The following CAD variants were observed in gnomAD, a reference collection of about 807,000 sequenced individuals.
CAD encodes the protein carbamoyl-phosphate synthetase 2, aspartate transcarbamylase, and dihydroorotase.
CAD carries 81 observed loss-of-function variants against 237.2 expected under a neutral mutation model. The observed-to-expected ratio is 0.34, with a 90% confidence interval of 0.29 to 0.41. The LOEUF (loss-of-function observed/expected upper bound fraction) is 0.41. Among genes scored for constraint, CAD ranks in the 10% least tolerant of loss-of-function variants. The pLI, the probability that CAD is intolerant of heterozygous loss-of-function variation, is 1.00. For synonymous variants in CAD, 1,196 were observed against 1,162.8 expected (o/e 1.03, Z -0.58); for missense variants, 2,181 against 2,951.7 (o/e 0.74, Z 6.05).
rs1168889417 is a variant in CAD at position 27,226,888 on chromosome 2, T to C, written c.2213T>C (p.Val738Ala). ...AFEPSVDYCV[V>A]KIPRWDLSKF... ...GAACCCAGCGTGGATTATTGTGTGG[T>C]GAAGATTCCTCGATGGGACCTTAGC... The change falls in exon 15 of 44, where the codon GTG (valine) becomes GCG (alanine). Residue 738 changes from valine to alanine, a missense_variant. By Grantham distance (64) the Val-to-Ala change is moderately conservative. This residue lies in a region of CAD where 385 missense variants were observed against 535.1 expected (regional missense o/e 0.72). Coordinates refer to ENST00000264705, the MANE Select transcript of CAD (RefSeq NM_004341.5). The C allele has an allele frequency of 1.9e-6, 3 of 1,613,950 alleles. No individual in the cohort carries two copies. In the East Asian group the frequency reaches 6.7e-5, roughly 36 times the overall value.
At position 27,241,477 on chromosome 2, in the gene CAD, A is replaced by C. The variant is rs1572453668; in HGVS notation, c.5883+81A>C. 4.1e-5 allele frequency: 56 copies of C among 1,349,416 alleles called. No homozygotes were observed. In the East Asian group the frequency reaches 1.3e-3, roughly 30 times the overall value. 83.6% of individuals were successfully genotyped at this position (1,349,416 alleles called of 1,614,324 possible). ...CAGCGCAGGGCCGCGCAGTGGTCAG[A>C]GTGGGTCTTCCTCCCCCTGCCATCC... On this transcript the variant is annotated intron_variant, in intron 38 of 43. Transcript: ENST00000264705. This position sits in a 1 kb window ranked among gnomAD's most constrained non-coding sequence, Gnocchi z 4.6.
rs375920153 is a variant in CAD at position 27,233,274 on chromosome 2, T to C, written c.2992-38T>C. 40 of 1,587,348 alleles carry C rather than the reference T, an allele frequency of 2.5e-5. No individual in the cohort carries two copies. The East Asian group carries it at 2.9e-4, about 12-fold the overall frequency. On this transcript the variant is annotated intron_variant, in intron 19 of 43. Coordinates refer to ENST00000264705, the MANE Select transcript of CAD (RefSeq NM_004341.5). This position sits in a 1 kb window ranked among gnomAD's most constrained non-coding sequence, Gnocchi z 6.3. ...CAGGAAGGCTCAGATTCCTGCCCTC[T>C]TTTGCTGCCACCACTTGTTTCTCCC...
Position 27,232,324 on chromosome 2 carries a change from C to T in CAD, c.2645+100C>T, listed in dbSNP as rs1224755579. On this transcript the variant is annotated intron_variant, in intron 17 of 43. Transcript: ENST00000264705. The surrounding 1 kb of genome is among the most constrained non-coding windows in gnomAD (Gnocchi z 4.1). ...AGGGAGGAAGGAGAGTGTGGGAGAG[C>T]TTTAGAGGCTTCTGACCTTGGTTCC... 2 of 1,575,412 alleles carry T rather than the reference C, an allele frequency of 1.3e-6. No individual in the cohort carries two copies. Among genetic ancestry groups the T allele is most frequent in the South Asian group, 2.4e-5 (2 of 84,650 alleles).
chr2:27,238,769 G>A (rs894608362), intron 31 of CAD, 137 bp downstream of exon 31: 4 of 800,876 alleles, frequency 5.0e-6, no homozygotes, highest in Non-Finnish European at 5.8e-6. Flanking sequence ...AGCCTCTAGG[G>A]TACCTGGTCT....
In CAD at chr2:27,223,972, G is replaced by T. The variant is rs371150372; in HGVS notation, c.1051G>T (p.Asp351Tyr). 2 of 1,613,928 alleles carry T rather than the reference G, an allele frequency of 1.2e-6. No homozygotes were observed. Among genetic ancestry groups the T allele is most frequent in the African/African-American group, 2.7e-5 (2 of 74,882 alleles). ...CCCTTCAGATATGGAACTGCTTTTC[G>T]ATATCTTTCTGGAAACTGTGAAAGA... is the stretch of plus-strand genomic sequence containing the variant. ...AGPSDMELLF[D>Y]IFLETVKEAT... The change falls in exon 8 of 44, where the codon GAT (aspartate) becomes TAT (tyrosine). Residue 351 changes from aspartate (D) to tyrosine (Y), a missense_variant. By Grantham distance (160) the Asp-to-Tyr change is radical (BLOSUM62 -3). Transcript: ENST00000264705.
At position 27,231,507 on chromosome 2, in the gene CAD, TC is replaced by T. The variant is rs1675755126; in HGVS notation, c.2329del (p.Gln777ArgfsTer18). On this transcript the variant is annotated frameshift_variant, in exon 16 of 44. Transcript: ENST00000264705. LOFTEE classifies it high-confidence loss of function. Reference protein sequence around the residue: ...MGIGRSFEEAFQKALRMVDEN... With the variant: ...MGIGRSFEEAXQKALRMVDEN... The stretch of plus-strand genomic sequence containing the variant: ...ATTGGGCGTTCATTTGAGGAGGCCT[TC>T]CAGAAGGCCCTGCGCATGGTGGATG... 1 of 1,613,516 alleles carries T rather than the reference TC, an allele frequency of 6.2e-7. No individual in the cohort carries two copies. The highest frequency in any genetic ancestry group is 1.7e-5 in the Admixed American group (1 of 59,990).
rs539828941 is a variant in CAD, at chr2:27,227,315, T to C, written c.2287+353T>C. 2.1e-4 allele frequency among the ~76,000 whole-genome samples: 32 copies of C among 152,346 alleles called. 1 individual carries two copies. In the South Asian group the frequency reaches 6.4e-3, roughly 31 times the overall value. On this transcript the variant is annotated intron_variant, in intron 15 of 43. Coordinates refer to ENST00000264705, the MANE Select transcript of CAD (RefSeq NM_004341.5). ...GGTAACAAGGAAATTTATTAGTGAA[T>C]GATGAATGGCCGTAACGTTACCCAG...
At position 27,236,584 on chromosome 2, in the gene CAD, G is replaced by A. The variant is rs1479973905; in HGVS notation, c.4314+61G>A. 1.3e-6 allele frequency: 2 copies of A among 1,598,028 alleles called. No individual in the cohort carries two copies. Among genetic ancestry groups the A allele is most frequent in the Admixed American group, 1.7e-5 (1 of 59,778 alleles). On this transcript the variant is annotated intron_variant, in intron 26 of 43. Transcript: ENST00000264705. The surrounding 1 kb of genome is among the most constrained non-coding windows in gnomAD (Gnocchi z 4.1). ...AGTGTTGATGGGAAGAAGAAAGAGG[G>A]AGGAGTGAGTATGGAACAGCCATGC...
At position 27,243,296 on chromosome 2, in the gene CAD, G is replaced by T; in HGVS notation, c.6575+4G>T. 1 of 1,614,068 alleles carries T rather than the reference G, an allele frequency of 6.2e-7. No individual in the cohort carries two copies. The highest frequency in any genetic ancestry group is 1.1e-5 in the South Asian group (1 of 91,070). Reference sequence around the variant, plus strand: ...TGCCCCGTGTCAACGAGATAAGGTGGTGCAGCATCAGAGTCAGAGACTGCC... The same window carrying T: ...TGCCCCGTGTCAACGAGATAAGGTGTTGCAGCATCAGAGTCAGAGACTGCC... On this transcript the variant is annotated splice_donor_region_variant and intron_variant, in intron 43 of 43. Transcript: ENST00000264705.
rs1285278958 is a variant in CAD, at chr2:27,217,394, G to C, written c.-158G>C. The C allele has an allele frequency of 1.5e-6, 1 of 660,744 alleles. No individual in the cohort carries two copies. The highest frequency in any genetic ancestry group is 3.1e-5 in the East Asian group (1 of 32,016). 40.9% of individuals were successfully genotyped at this position (660,744 alleles called of 1,614,324 possible). ...AGTCTCTGCTGCTGCCGCCAAGCGC[G>C]CCCGAGGCTCCTACGCTGCCGCGCC... On this transcript the variant is annotated 5_prime_UTR_variant, in exon 1 of 44. Transcript: ENST00000264705.
intron 1 of CAD, 118 bp from the exon 2 acceptor site, chr2:27,217,759 G>T: frequency 7.0e-7 from 1 of 1,436,194 alleles, no homozygotes; most frequent in South Asian, 1.3e-5. Context: ...CGGTGCCCAT[G>T]GGCCCCAGCG....
Position 27,237,814 on chromosome 2 carries a change from G to A in CAD, c.4660G>A (p.Gly1554Arg). The stretch of plus-strand genomic sequence containing the variant: ...GGGCACCGTGGCCGGGTCTGCAGCC[G>A]GGCTGAAGCTTTACCTCAATGAGAC... ...TLGTVAGSAA[G>R]LKLYLNETFS... The change falls in exon 29 of 44, where the codon GGG (glycine) becomes AGG (arginine). Residue 1554 changes from glycine (G) to arginine (R), a missense_variant. Gly to Arg is a moderately radical substitution (Grantham distance 125). Coordinates refer to ENST00000264705, the MANE Select transcript of CAD (RefSeq NM_004341.5). This position sits in a 1 kb window ranked among gnomAD's most constrained non-coding sequence, Gnocchi z 4.0. 1.2e-6 allele frequency: 2 copies of A among 1,614,222 alleles called. No individual in the cohort carries two copies. Among genetic ancestry groups the A allele is most frequent in the Non-Finnish European group, 1.7e-6 (2 of 1,180,048 alleles).
In CAD at chr2:27,239,483, G is replaced by A; in HGVS notation, c.5394+12G>A. 6.2e-7 allele frequency: 1 copy of A among 1,612,360 alleles called. No homozygotes were observed. Among genetic ancestry groups the A allele is most frequent in the Non-Finnish European group, 8.5e-7 (1 of 1,179,114 alleles). ...ATATCGATGGGCAGGTACGCAAGTA[G>A]CCCCTGCCTGATCTCAGTAGTGCCC... is the stretch of plus-strand genomic sequence containing the variant. On this transcript the variant is annotated intron_variant, in intron 33 of 43. Coordinates refer to ENST00000264705, the MANE Select transcript of CAD (RefSeq NM_004341.5). The surrounding 1 kb of genome is among the most constrained non-coding windows in gnomAD (Gnocchi z 4.0).
At position 27,222,980 on chromosome 2, in the gene CAD, T is replaced by A; in HGVS notation, c.752T>A (p.Ile251Asn). The A allele has an allele frequency of 1.2e-6, 2 of 1,614,164 alleles. No individual in the cohort carries two copies. The highest frequency in any genetic ancestry group is 1.7e-6 in the Non-Finnish European group (2 of 1,180,034). ...CCTAATCCCCGACCTGTCTTTGGGA[T>A]CTGCCTGGGACACCAGCTATTGGCC... Reference protein sequence around the residue: ...SEPNPRPVFGICLGHQLLALA... With the variant: ...SEPNPRPVFGNCLGHQLLALA... The change falls in exon 6 of 44, where the codon ATC (isoleucine) becomes AAC (asparagine). Residue 251 changes from isoleucine (I) to asparagine (N), a missense_variant. By Grantham distance (149) the Ile-to-Asn change is moderately radical. This residue lies in a region of CAD where 314 missense variants were observed against 339.4 expected (regional missense o/e 0.93). Coordinates refer to ENST00000264705, the MANE Select transcript of CAD (RefSeq NM_004341.5).
rs201445071 is a variant in CAD, at chr2:27,217,966, G to C, written c.172G>C (p.Gly58Arg). 1.2e-6 allele frequency: 2 copies of C among 1,612,476 alleles called. No individual in the cohort carries two copies. The highest frequency in any genetic ancestry group is 3.3e-5 in the Admixed American group (2 of 59,844). ...CTTAGTGCTCACCTATCCTCTGATC[G>C]GCAACTATGGCATCCCCCCAGATGA... Reference protein sequence around the residue: ...QILVLTYPLIGNYGIPPDEMD... With the variant: ...QILVLTYPLIRNYGIPPDEMD... The change falls in exon 2 of 44, where the codon GGC (glycine) becomes CGC (arginine). Residue 58 changes from glycine to arginine, a missense_variant. By Grantham distance (125) the Gly-to-Arg change is moderately radical. This residue lies in a region of CAD where 314 missense variants were observed against 339.4 expected (regional missense o/e 0.93). Coordinates refer to ENST00000264705, the MANE Select transcript of CAD (RefSeq NM_004341.5).
At chr2:27,226,763 A>C (rs544326296) in intron 14 of CAD, 69 bp from the exon 15 acceptor site, 1 of 1,604,594 alleles carries the variant, frequency 6.2e-7, no homozygotes, top group Non-Finnish European at 8.5e-7. Context: ...GAATGGAAAG[A>C]GCTATCCGGA....
Position 27,234,042 on chromosome 2 carries a change from T to C in CAD, c.3434T>C (p.Val1145Ala), listed in dbSNP as rs61755268. 6.2e-7 allele frequency: 1 copy of C among 1,614,118 alleles called. No individual in the cohort carries two copies. Among genetic ancestry groups the C allele is most frequent in the South Asian group, 1.1e-5 (1 of 91,072 alleles). Residue 1145 changes from valine to alanine, a missense_variant, in exon 22 of 44, where the codon GTG becomes GCG. Val to Ala is a moderately conservative substitution (Grantham distance 64). This residue lies in a region of CAD where 306 missense variants were observed against 607.9 expected (regional missense o/e 0.50). Coordinates refer to ENST00000264705, the MANE Select transcript of CAD (RefSeq NM_004341.5). The part of the protein sequence containing the change: ...IDVDAVASDG[V>A]VAAIAISEHV... ...GTGGATGCCGTGGCCTCTGATGGTG[T>C]GGTGGCAGCCATCGCCATCTCTGAG... is the stretch of plus-strand genomic sequence containing the variant.
Position 27,226,315 on chromosome 2 carries a change from A to T in CAD, c.2027A>T (p.Glu676Val). The T allele has an allele frequency of 6.2e-7, 1 of 1,614,016 alleles. No individual in the cohort carries two copies. ...NVQYALNPES[E>V]QYYIIEVNAR... Reference sequence around the variant, plus strand: ...CAGTATGCCTTGAACCCTGAGTCTGAGCAGGTAAGCTCTAGGCCCTGGAAC... The same window carrying T: ...CAGTATGCCTTGAACCCTGAGTCTGTGCAGGTAAGCTCTAGGCCCTGGAAC... The change falls in exon 13 of 44, where the codon GAG becomes GTG. Residue 676 changes from glutamate (E) to valine (V), a missense_variant. Around this residue, in one of 12 missense-constraint regions of CAD, gnomAD observed 385 missense variants for 535.1 expected, o/e 0.72. Coordinates refer to ENST00000264705, the MANE Select transcript of CAD (RefSeq NM_004341.5).
chr2:27,239,152 C>G lies in CAD; in HGVS notation c.5173C>G (p.Leu1725Val). ...LTAVSEGRLS[L>V]DDLLQRLHHN... ...GGCTGTAAGCGAGGGCCGGCTCAGC[C>G]TGGACGACCTGCTGCAGCGATTGCA... Residue 1725 changes from leucine to valine, a missense_variant, in exon 32 of 44, where the codon CTG becomes GTG. Around this residue, in one of 12 missense-constraint regions of CAD, gnomAD observed 478 missense variants for 515.0 expected, o/e 0.93. Transcript: ENST00000264705. The surrounding 1 kb of genome is among the most constrained non-coding windows in gnomAD (Gnocchi z 4.0). The G allele has an allele frequency of 6.2e-7, 1 of 1,613,576 alleles. No individual in the cohort carries two copies.
Sources: gnomAD v4.1 joint callset for allele counts (sites outside exome capture counted in the v4.1 genomes callset) on GRCh38, gnomAD v4.1.1 for gene constraint, gnomAD v4.1.1 regional missense constraint, Gnocchi (gnomAD v3.1) non-coding constraint, MANE v1.5 for transcripts, NCBI Gene and HGNC (gene_info 2026-07-23, HGNC 2026-07-21) for gene names.